TPRG1: variants seen among roughly 807,000 people sequenced by gnomAD.
TPRG1 encodes tumor protein p63 regulated 1, also known as tumor protein p63-regulated gene 1 protein.
In TPRG1, 29 loss-of-function variants were observed where a neutral mutation model predicts 29.3. The ratio of observed to expected loss-of-function variants is 0.99; its 90% confidence interval spans 0.74 to 1.35. The LOEUF is 1.35. TPRG1 is among the 40% of genes most tolerant of loss of function. TPRG1 has a pLI of 0.00. For missense variants in TPRG1, 327 were observed against 335.0 expected, an observed-to-expected ratio of 0.98 and a Z score of 0.19; for synonymous variants, 130 against 116.8, an observed-to-expected ratio of 1.11 and a Z score of -0.73.
chr3:189,274,973 TGTGTG>T (rs2109103100), intron 4 of TPRG1, among the ~76,000 whole-genome samples: 1 of 147,736 alleles, frequency 6.8e-6, no homozygotes, highest in African/African-American at 2.5e-5. Flanking sequence ...TGTGTGTGTG[TGTGTG>T]TATGAAGTCA....
At chr3:188,998,431 A>G (rs1711895573) in intron 1 of TPRG1, among the ~76,000 whole-genome samples, 1 of 152,216 alleles carries the variant, frequency 6.6e-6, no homozygotes, top group Non-Finnish European at 1.5e-5. Context: ...GGAAACACAT[A>G]TGGTATGACT....
At chr3:189,025,804 A>C (rs571790763) in intron 4 of TPRG1, among the ~76,000 whole-genome samples, 1 of 152,362 alleles carries the variant, frequency 6.6e-6, no homozygotes, top group East Asian at 1.9e-4. Context: ...AAGCATTAAC[A>C]AATCAGTTGA....
At chr3:189,250,515 C>CCT (rs1478440001) in intron 4 of TPRG1, among the ~76,000 whole-genome samples, 4 of 106,742 alleles carry the variant, frequency 3.7e-5, no homozygotes, top group Admixed American at 2.2e-4. Flanking sequence ...CCCCCCCCCC[C>CCT]CCACCCAGAT....
intron 4 of TPRG1, among the ~76,000 whole-genome samples, chr3:189,248,639 A>C (rs932172323): frequency 6.6e-6 from 1 of 151,208 alleles, no homozygotes; most frequent in Non-Finnish European, 1.5e-5. Flanking sequence ...AGATTTTATT[A>C]TTATATTTCA....
intron 2 of TPRG1, chr3:189,127,355 G>T (rs1722604271): frequency 6.6e-6 from 1 of 152,154 alleles, no homozygotes; most frequent in African/African-American, 2.4e-5. Context: ...ATCCTAAAAG[G>T]CAAGATGTCA....
At chr3:189,287,242 G>T (rs1041298550) in intron 4 of TPRG1, among the ~76,000 whole-genome samples, 1 of 152,028 alleles carries the variant, frequency 6.6e-6, no homozygotes, top group Non-Finnish European at 1.5e-5. Flanking sequence ...TTGAAGAAAA[G>T]ATCTTCCTTG....
intron 3 of TPRG1, among the ~76,000 whole-genome samples, chr3:189,006,614 C>A (rs1712299397): frequency 6.6e-6 from 1 of 151,984 alleles, no homozygotes; most frequent in African/African-American, 2.4e-5. Context: ...CCTGTGACTA[C>A]AAGAAAGTGT....
chr3:189,133,206 T>C (rs1405566777), intron 3 of TPRG1, among the ~76,000 whole-genome samples: 1 of 152,158 alleles, frequency 6.6e-6, no homozygotes, highest in Non-Finnish European at 1.5e-5. Flanking sequence ...TGGGATCAGA[T>C]CTGGAAAGAG....
At chr3:189,211,983 C>G (rs1735334774) in intron 2 of TPRG1, 1 of 131,854 alleles carries the variant, frequency 7.6e-6, no homozygotes, top group African/African-American at 3.2e-5. Flanking sequence ...CCCCTCAAGG[C>G]TAATAACTAG....
At chr3:189,218,754 G>T (rs1182821111) in intron 3 of TPRG1, among the ~76,000 whole-genome samples, 7 of 152,208 alleles carry the variant, frequency 4.6e-5, no homozygotes, top group African/African-American at 1.7e-4. Context: ...AAGGAAAATA[G>T]ACTGCACTCC....
At chr3:189,050,223 A>G (rs1715231029) in intron 4 of TPRG1, among the ~76,000 whole-genome samples, 2 of 152,330 alleles carry the variant, frequency 1.3e-5, no homozygotes. Flanking sequence ...AGAAAATCCA[A>G]ATAACCTCAC....
intron 5 of TPRG1, among the ~76,000 whole-genome samples, chr3:189,162,445 C>T (rs1242845991): frequency 6.6e-6 from 1 of 152,118 alleles, no homozygotes; most frequent in Non-Finnish European, 1.5e-5. Context: ...TCTTTAATGA[C>T]AGGATAATAA....
intron 1 of TPRG1, among the ~76,000 whole-genome samples, chr3:189,112,043 T>C (rs779185956): frequency 6.6e-6 from 1 of 152,176 alleles, no homozygotes; most frequent in Non-Finnish European, 1.5e-5. Context: ...TTTCTTTGTG[T>C]CTATTGATAT....
At chr3:189,070,326 G>A (rs933425386) in intron 4 of TPRG1, among the ~76,000 whole-genome samples, 20 of 152,246 alleles carry the variant, frequency 1.3e-4, no homozygotes, top group African/African-American at 4.8e-4. Flanking sequence ...ACCCTTGGAT[G>A]AGGGAACTGT....
chr3:189,229,997 G>A (rs1229153791), intron 3 of TPRG1, among the ~76,000 whole-genome samples: 1 of 152,134 alleles, frequency 6.6e-6, no homozygotes. Context: ...CCTTAGAATG[G>A]GGTCTTGTTC....
intron 3 of TPRG1, among the ~76,000 whole-genome samples, chr3:189,018,605 C>A (rs2152124029): frequency 6.8e-6 from 1 of 146,030 alleles, no homozygotes; most frequent in African/African-American, 2.5e-5. Context: ...TGTTTTGGTA[C>A]CAGTACCATG....
intron 3 of TPRG1, among the ~76,000 whole-genome samples, chr3:189,007,188 C>A (rs1487324553): frequency 4.6e-5 from 7 of 151,836 alleles, no homozygotes; most frequent in East Asian, 1.9e-4. Flanking sequence ...ATGAACTCAA[C>A]CAAATTTACA....
chr3:189,068,089 C>T (rs754364287), intron 4 of TPRG1, among the ~76,000 whole-genome samples: 4 of 152,082 alleles, frequency 2.6e-5, no homozygotes, highest in Non-Finnish European at 4.4e-5. Context: ...CATTTATCAG[C>T]AGAGAAATGT....
At chr3:189,276,726 G>C (rs994816120) in intron 4 of TPRG1, among the ~76,000 whole-genome samples, 3 of 152,112 alleles carry the variant, frequency 2.0e-5, no homozygotes, top group Non-Finnish European at 4.4e-5. Context: ...TTGGCTCATG[G>C]CTGTTCTAAA....
Sources: allele counts gnomAD v4.1 joint callset (sites outside exome capture counted in the v4.1 genomes callset), GRCh38; gene constraint gnomAD v4.1.1; transcripts MANE v1.5; gene names NCBI Gene and HGNC (gene_info 2026-07-23, HGNC 2026-07-21).